The following SHLD2 variants were observed in gnomAD, a reference collection of about 807,000 sequenced individuals.
The protein encoded by SHLD2 is RINN1-REV7-interacting novel NHEJ regulator 2.
In SHLD2, 30 loss-of-function variants were observed where a neutral mutation model predicts 73.2. The ratio of observed to expected loss-of-function variants is 0.41; its 90% CI spans 0.31 to 0.56. The LOEUF is 0.56. Ranked by LOEUF, SHLD2 falls within the 20% of genes least tolerant of loss-of-function variation. The probability of loss-of-function intolerance (pLI) is 0.28; values close to 1 mark genes in which losing one functional copy is unlikely to be tolerated. For synonymous variants in SHLD2, 285 were observed against 370.1 expected, an observed-to-expected ratio of 0.77 and a Z score of 2.64; for missense variants, 745 against 1,055.9, an observed-to-expected ratio of 0.71 and a Z score of 4.08.
chr10:87,094,563 C>T, upstream of SHLD2: 1 of 1,612,092 alleles, frequency 6.2e-7, no homozygotes, highest in Non-Finnish European at 8.5e-7. The surrounding 1 kb of genome is among the most constrained non-coding windows in gnomAD (Gnocchi z 6.6). Context: ...AGCCCTCCAC[C>T]ATCTTGAAGA....
chr10:87,138,502 A>C (rs1564592254), intron 2 of SHLD2, among the ~76,000 whole-genome samples: 1 of 152,180 alleles, frequency 6.6e-6, no homozygotes, highest in East Asian at 1.9e-4. Flanking sequence ...GCAGACCTGG[A>C]CTCAAAAAAC....
chr10:87,131,523 G>A (rs1218827082), intron 2 of SHLD2, among the ~76,000 whole-genome samples: 1 of 152,042 alleles, frequency 6.6e-6, no homozygotes, highest in African/African-American at 2.4e-5. Context: ...TTCATCTATG[G>A]TATAGCATAG....
intron 2 of SHLD2, among the ~76,000 whole-genome samples, chr10:87,121,905 C>G (rs1325118081): frequency 6.6e-6 from 1 of 151,706 alleles, no homozygotes; most frequent in Non-Finnish European, 1.5e-5. Flanking sequence ...GCTGGGATCA[C>G]AGGTATATGT....
intron 2 of SHLD2, among the ~76,000 whole-genome samples, chr10:87,102,403 C>A (rs1488450284): frequency 6.6e-6 from 1 of 152,150 alleles, no homozygotes; most frequent in African/African-American, 2.4e-5. Context: ...TGAACCATCA[C>A]CCTGGGTAAT....
chr10:87,120,752 G>A lies in SHLD2; in HGVS notation c.-6+23763G>A, dbSNP rs1843562199. On this transcript the variant is annotated intron_variant, in intron 2 of 9. Coordinates refer to ENST00000298786, the MANE Select transcript of SHLD2 (RefSeq NM_001330112.2). Reference sequence around the variant, plus strand: ...GTAAACTGAAAATATTTCCTTTGCAGCCCACACTTGAGTGTTTTAGGCCGG... The same window carrying A: ...GTAAACTGAAAATATTTCCTTTGCAACCCACACTTGAGTGTTTTAGGCCGG... 2.6e-5 allele frequency among the ~76,000 whole-genome samples: 4 copies of A among 152,010 alleles called. No homozygotes were observed. The South Asian group carries it at 8.3e-4, about 31-fold the overall frequency.
intron 2 of SHLD2, among the ~76,000 whole-genome samples, chr10:87,098,894 G>T (rs1338409368): frequency 6.6e-6 from 1 of 152,114 alleles, no homozygotes; most frequent in Non-Finnish European, 1.5e-5. Flanking sequence ...TCCCACCTCA[G>T]CCTCCTGAGT....
chr10:87,157,937 C>T, intron 3 of SHLD2, 111 bp from the exon 4 acceptor site: 1 of 764,118 alleles, frequency 1.3e-6, no homozygotes, highest in Non-Finnish European at 2.0e-6. Flanking sequence ...CCTATTTGAT[C>T]TCTACTTGCT....
At position 87,127,536 on chromosome 10, in the gene SHLD2, C is replaced by T. The variant is rs1464670374; in HGVS notation, c.-5-23814C>T. Among the ~76,000 whole-genome samples the T allele has an allele frequency of 1.5e-4, 10 of 65,326 alleles. 1 individual carries two copies. The highest frequency in any genetic ancestry group is 5.5e-4 in the African/African-American group (10 of 18,142). The allele number at this position is 65,326 out of a possible 152,430, so 42.9% of individuals were successfully genotyped here. On this transcript the variant is annotated intron_variant, in intron 2 of 9. Transcript: ENST00000298786. ...TTTTTGTCCCTCTTACCCGCCCCCC[C>T]CCACCCCGTCTGCCACCCCCCGCCT... is the stretch of plus-strand genomic sequence containing the variant.
chr10:87,190,449 C>T lies in SHLD2; in HGVS notation c.2516-35C>T, dbSNP rs556674398. 90 of 1,565,700 alleles carry T rather than the reference C, an allele frequency of 5.7e-5. 1 individual carries two copies. In the South Asian group the frequency reaches 6.0e-4, roughly 10 times the overall value. The stretch of plus-strand genomic sequence containing the variant: ...GTGTGTGCTCCTGTCAAGCTAGCAG[C>T]GATCTTGGGAGCTCTGTGTTTTTGT... On this transcript the variant is annotated intron_variant, in intron 9 of 9. Coordinates refer to ENST00000298786, the MANE Select transcript of SHLD2 (RefSeq NM_001330112.2).
intron 2 of SHLD2, among the ~76,000 whole-genome samples, chr10:87,108,524 C>T (rs1033293967): frequency 6.6e-6 from 1 of 152,120 alleles, no homozygotes; most frequent in African/African-American, 2.4e-5. Context: ...AGGCTGATCT[C>T]CAACTCCTGG....
chr10:87,103,288 A>C (rs1425018123), intron 2 of SHLD2, among the ~76,000 whole-genome samples: 1 of 152,124 alleles, frequency 6.6e-6, no homozygotes, highest in Non-Finnish European at 1.5e-5. Flanking sequence ...TAATTTTAAT[A>C]TGATTTAGTT....
chr10:87,118,320 C>T (rs1196928176), intron 2 of SHLD2, among the ~76,000 whole-genome samples: 3 of 152,148 alleles, frequency 2.0e-5, no homozygotes, highest in Non-Finnish European at 4.4e-5. Flanking sequence ...GGCATGGACC[C>T]TGGGAAGTGT....
chr10:87,185,239 T>C (rs1186653956), intron 8 of SHLD2, among the ~76,000 whole-genome samples: 1 of 152,244 alleles, frequency 6.6e-6, no homozygotes, highest in Non-Finnish European at 1.5e-5. Flanking sequence ...TTGTAGCATG[T>C]ATCACTACTT....
At chr10:87,122,846 T>A (rs1011680132) in intron 2 of SHLD2, among the ~76,000 whole-genome samples, 1 of 152,136 alleles carries the variant, frequency 6.6e-6, no homozygotes, top group African/African-American at 2.4e-5. Context: ...GGCTTGATCT[T>A]GGCTCACTGC....
At chr10:87,095,318 C>A (rs1271751125) in intron 1 of SHLD2, 70 bp downstream of exon 1, 1 of 151,842 alleles carries the variant, frequency 6.6e-6, no homozygotes, top group Non-Finnish European at 1.5e-5. Context: ...GGGGGCTGGC[C>A]TCTGTAGGGC....
At chr10:87,165,146 C>T (rs1847108902) in intron 4 of SHLD2, among the ~76,000 whole-genome samples, 1 of 151,638 alleles carries the variant, frequency 6.6e-6, no homozygotes, top group East Asian at 1.9e-4. Flanking sequence ...GTGATCATGC[C>T]ACTGCACTTC....
At chr10:87,166,561 GTAAA>G (rs1328658313) in intron 4 of SHLD2, among the ~76,000 whole-genome samples, 1 of 152,160 alleles carries the variant, frequency 6.6e-6, no homozygotes, top group Non-Finnish European at 1.5e-5. Flanking sequence ...AAGTTGATTT[GTAAA>G]TTCAGTGCAT....
At chr10:87,105,026 G>C (rs150856219) in intron 2 of SHLD2, among the ~76,000 whole-genome samples, 12 of 152,232 alleles carry the variant, frequency 7.9e-5, no homozygotes, top group Admixed American at 7.9e-4. Context: ...TTTTAAAATA[G>C]AGGTCAGGTT....
intron 2 of SHLD2, among the ~76,000 whole-genome samples, chr10:87,108,446 C>A (rs1842733646): frequency 6.6e-6 from 1 of 152,122 alleles, no homozygotes; most frequent in Non-Finnish European, 1.5e-5. Flanking sequence ...CTTGGCCTAC[C>A]AAAGTGCTGG....
Sources: gnomAD v4.1 joint callset for allele counts (sites outside exome capture counted in the v4.1 genomes callset) on GRCh38, gnomAD v4.1.1 for gene constraint, Gnocchi (gnomAD v3.1) non-coding constraint, MANE v1.5 for transcripts, NCBI Gene and HGNC (gene_info 2026-07-23, HGNC 2026-07-21) for gene names.